Variants in SV2C observed in about 807,000 individuals in gnomAD.
The protein encoded by SV2C is solute carrier family 22 member B3.
Under a neutral mutation model 79.7 loss-of-function variants are expected in SV2C, and 49 were observed. That is an observed-to-expected ratio of 0.61 (90% CI 0.49 to 0.78). The LOEUF (loss-of-function observed/expected upper bound fraction) is 0.78, where lower values mean the gene tolerates loss of function less well. Among genes scored for constraint, SV2C ranks in the 30% least tolerant of loss-of-function variants. The probability of loss-of-function intolerance (pLI) is 0.00; values close to 1 mark genes in which losing one functional copy is unlikely to be tolerated. For synonymous variants in SV2C, 334 were observed against 333.2 expected (o/e 1.00, Z -0.03); for missense variants, 833 against 912.9 (o/e 0.91, Z 1.13).
intron 1 of SV2C, among the ~76,000 whole-genome samples, chr5:76,088,921 G>A (rs772413345): frequency 1.8e-4 from 27 of 152,056 alleles, no homozygotes; most frequent in Non-Finnish European, 2.9e-4. Context: ...TTTGTCCTTC[G>A]TGTTTGAAAT....
chr5:76,195,569 A>T (rs753106001), intron 3 of SV2C, among the ~76,000 whole-genome samples: 1 of 152,184 alleles, frequency 6.6e-6, no homozygotes, highest in Non-Finnish European at 1.5e-5. Flanking sequence ...CCTCCTTGAG[A>T]CGTAATTTTT....
intron 1 of SV2C, among the ~76,000 whole-genome samples, chr5:76,102,631 G>A (rs1177005987): frequency 2.0e-5 from 3 of 152,142 alleles, no homozygotes; most frequent in African/African-American, 7.2e-5. Flanking sequence ...CTTGCTCAAG[G>A]TCACAGAGTT....
At chr5:75,949,184 G>A in the SV2C span, among the ~76,000 whole-genome samples, 1,757 of 152,012 alleles carry the variant, frequency 0.012, 37 homozygotes, top group African/African-American at 0.041. Flanking sequence ...GCTCCATGAG[G>A]CCTCCCCATA....
chr5:76,143,590 A>G (rs1392902073), intron 2 of SV2C, among the ~76,000 whole-genome samples: 1 of 152,116 alleles, frequency 6.6e-6, no homozygotes, highest in Non-Finnish European at 1.5e-5. Flanking sequence ...ACATATTTCT[A>G]CCTGACCCCC....
chr5:76,321,121 G>T (rs553179837), intron 12 of SV2C, among the ~76,000 whole-genome samples: 1 of 152,068 alleles, frequency 6.6e-6, no homozygotes, highest in African/African-American at 2.4e-5. Context: ...TAAATATCTC[G>T]GTTATGAAGA....
chr5:76,137,312 T>C (rs1251585936), intron 2 of SV2C, among the ~76,000 whole-genome samples: 1 of 152,160 alleles, frequency 6.6e-6, no homozygotes, highest in Non-Finnish European at 1.5e-5. Flanking sequence ...TATCAGTTAA[T>C]AGGGTGACAG....
intron 2 of SV2C, among the ~76,000 whole-genome samples, chr5:76,193,009 T>C (rs1744153933): frequency 6.6e-6 from 1 of 152,238 alleles, no homozygotes; most frequent in African/African-American, 2.4e-5. Flanking sequence ...AGCCACCTTC[T>C]GCCCCTCTGC....
At chr5:76,138,525 G>A (rs1485325851) in intron 2 of SV2C, among the ~76,000 whole-genome samples, 3 of 152,062 alleles carry the variant, frequency 2.0e-5, no homozygotes, top group African/African-American at 4.8e-5. Context: ...GTACATAATG[G>A]CAAATATATG....
intron 4 of SV2C, among the ~76,000 whole-genome samples, chr5:76,258,758 C>T (rs1746375990): frequency 1.3e-5 from 2 of 152,162 alleles, no homozygotes; most frequent in South Asian, 4.1e-4. Context: ...ATCTTATGCA[C>T]CCATGTAACC....
intron 4 of SV2C, among the ~76,000 whole-genome samples, chr5:76,227,038 G>A (rs1462741619): frequency 1.3e-5 from 2 of 152,326 alleles, no homozygotes; most frequent in East Asian, 3.9e-4. Context: ...TCAAGGAAAG[G>A]AAGGACCTCA....
At chr5:76,232,887 T>G (rs1745471896) in intron 4 of SV2C, among the ~76,000 whole-genome samples, 1 of 143,594 alleles carries the variant, frequency 7.0e-6, no homozygotes, top group Admixed American at 6.6e-5. Flanking sequence ...CCTCCAGCTT[T>G]GTTCTTTTGG....
the SV2C span, among the ~76,000 whole-genome samples, chr5:75,931,386 A>C: frequency 6.6e-6 from 1 of 152,230 alleles, no homozygotes; most frequent in Non-Finnish European, 1.5e-5. Context: ...TCCTGTCTAT[A>C]AAATGGGATA....
chr5:76,348,448 T>TATCA (rs1412874502), intron 12 of SV2C, among the ~76,000 whole-genome samples: 2 of 152,240 alleles, frequency 1.3e-5, no homozygotes, highest in African/African-American at 2.4e-5. Flanking sequence ...TTTGGGTAAA[T>TATCA]ATCAAGGTAC....
chr5:76,338,950 C>G (rs1305324166), downstream of SV2C, among the ~76,000 whole-genome samples: 1 of 152,022 alleles, frequency 6.6e-6, no homozygotes, highest in Non-Finnish European at 1.5e-5. Flanking sequence ...GCCACCGCTC[C>G]CGGCTTACAG....
chr5:76,261,283 C>A (rs188042515), intron 4 of SV2C, among the ~76,000 whole-genome samples: 1 of 152,198 alleles, frequency 6.6e-6, no homozygotes, highest in Admixed American at 6.5e-5. Context: ...GATCTTTGCA[C>A]AATGATTTTG....
chr5:75,957,282 A>C, the SV2C span, among the ~76,000 whole-genome samples: 1 of 151,990 alleles, frequency 6.6e-6, no homozygotes, highest in Non-Finnish European at 1.5e-5. Context: ...GGATACAGAA[A>C]TGTTGGTTCC....
At chr5:76,188,863 T>A (rs1467326667) in intron 2 of SV2C, among the ~76,000 whole-genome samples, 1 of 151,516 alleles carries the variant, frequency 6.6e-6, no homozygotes, top group African/African-American at 2.4e-5. Flanking sequence ...TCTGATGGAG[T>A]CTGGCCAAGG....
At chr5:76,316,122 G>GA (rs201005860) in intron 12 of SV2C, among the ~76,000 whole-genome samples, 2,539 of 151,786 alleles carry the variant, frequency 0.017, 28 homozygotes, top group South Asian at 0.03. Flanking sequence ...TAATATGAAT[G>GA]AAAAAAAAGC....
chr5:76,298,220 C>T (rs895160144), intron 9 of SV2C, among the ~76,000 whole-genome samples: 6 of 152,236 alleles, frequency 3.9e-5, no homozygotes, highest in African/African-American at 1.2e-4. Flanking sequence ...AAATGAGCGT[C>T]ACCTATGAGT....
Sources: gnomAD v4.1 joint callset for allele counts (sites outside exome capture counted in the v4.1 genomes callset) on GRCh38, gnomAD v4.1.1 for gene constraint, MANE v1.5 for transcripts, NCBI Gene and HGNC (gene_info 2026-07-23, HGNC 2026-07-21) for gene names.